The following IPO7 variants were observed in gnomAD, a reference collection of about 807,000 sequenced individuals.
IPO7 encodes importin-7.
Under a neutral mutation model 136.4 loss-of-function variants are expected in IPO7, and 13 were observed. That is an observed-to-expected ratio of 0.10 (90% CI 0.06 to 0.15). IPO7 has a LOEUF of 0.15. Ranked by LOEUF, IPO7 falls within the 10% of genes least tolerant of loss-of-function variation. The pLI is 1.00. For missense variants in IPO7, 857 were observed against 1,240.6 expected (o/e 0.69, Z 4.65); for synonymous variants, 403 against 404.4 (o/e 1.00, Z 0.04).
chr11:9,439,138 G>A (rs1449740554), intron 22 of IPO7, among the ~76,000 whole-genome samples: 2 of 152,114 alleles, frequency 1.3e-5, no homozygotes, highest in East Asian at 1.9e-4. Context: ...CCTTTGAGAC[G>A]GAGTTTTGCT....
chr11:9,424,851 G>T, intron 10 of IPO7, 63 bp from the exon 11 acceptor site: 1 of 1,070,462 alleles, frequency 9.3e-7, no homozygotes, highest in Non-Finnish European at 1.4e-6. Flanking sequence ...GATTAAGCAT[G>T]TTTTTTAATG....
At chr11:9,406,974 A>T (rs893208016) in intron 2 of IPO7, among the ~76,000 whole-genome samples, 2 of 152,242 alleles carry the variant, frequency 1.3e-5, no homozygotes, top group Non-Finnish European at 2.9e-5. Context: ...TGATTAGTTC[A>T]TTCTGTCTTT....
chr11:9,387,418 T>C (rs534409422), intron 1 of IPO7, among the ~76,000 whole-genome samples: 12 of 152,232 alleles, frequency 7.9e-5, no homozygotes, highest in Non-Finnish European at 8.8e-5. Context: ...TTTCCTTCCA[T>C]CCCTGTTCAA....
intron 15 of IPO7, among the ~76,000 whole-genome samples, chr11:9,430,091 C>T (rs1302882219): frequency 1.3e-5 from 2 of 152,154 alleles, no homozygotes; most frequent in South Asian, 2.1e-4. Context: ...GCACATTTCA[C>T]AGTAGGGTTC....
In IPO7 at chr11:9,437,952, A is replaced by C; in HGVS notation, c.2467A>C (p.Asn823His). The stretch of plus-strand genomic sequence containing the variant: ...AAATCATTTTATTACACAGTGGCTT[A>C]ATGATGTTGACTGTTTCTTGGGGTA... ...VTNHFITQWLNDVDCFLGLHD... is the reference protein window; with the variant it reads ...VTNHFITQWLHDVDCFLGLHD... The change falls in exon 21 of 25, where the codon AAT becomes CAT. Residue 823 changes from asparagine to histidine, a missense_variant. Asn to His is a moderately conservative substitution (Grantham distance 68). Coordinates refer to ENST00000379719, the MANE Select transcript of IPO7 (RefSeq NM_006391.3). 4.3e-6 allele frequency: 7 copies of C among 1,612,820 alleles called. No homozygotes were observed. The highest frequency in any genetic ancestry group is 5.1e-6 in the Non-Finnish European group (6 of 1,179,442).
rs750111455 is a variant in IPO7 at position 9,420,401 on chromosome 11, C to A, written c.727-10C>A. 32 of 1,562,876 alleles carry A rather than the reference C, an allele frequency of 2.0e-5. No individual in the cohort carries two copies. The Admixed American group carries it at 2.2e-4, about 11-fold the overall frequency. ...ATTATCTCTATCATTAAATAAGTGT[C>A]TTTTTAAAGGAAACACTTCAAGTTG... On this transcript the variant is annotated splice_polypyrimidine_tract_variant and intron_variant, in intron 6 of 24. Transcript: ENST00000379719.
intron 24 of IPO7, among the ~76,000 whole-genome samples, chr11:9,444,767 G>A (rs60998995): frequency 0.014 from 2,164 of 150,506 alleles, 51 homozygotes; most frequent in African/African-American, 0.05. Flanking sequence ...CACCTGGGAG[G>A]CAGAGATTGC....
chr11:9,416,914 T>A (rs1855049271), intron 5 of IPO7, 145 bp from the exon 6 acceptor site: 2 of 452,512 alleles, frequency 4.4e-6, no homozygotes, highest in Non-Finnish European at 4.0e-6. Flanking sequence ...CCATTATAGA[T>A]AACAAGCAAA....
At chr11:9,423,161 T>C in intron 9 of IPO7, 21 bp downstream of exon 9, 1 of 1,496,064 alleles carries the variant, frequency 6.7e-7, no homozygotes, top group East Asian at 2.3e-5. Flanking sequence ...TTATCTGAAA[T>C]GTTTTTATAG....
At chr11:9,425,051 A>T in intron 11 of IPO7, 61 bp downstream of exon 11, 1 of 1,337,882 alleles carries the variant, frequency 7.5e-7, no homozygotes, top group Non-Finnish European at 1.1e-6. Context: ...TCAACTATAC[A>T]CTTTTTAAAT....
chr11:9,418,277 G>T (rs180894269), intron 6 of IPO7, among the ~76,000 whole-genome samples: 33 of 150,690 alleles, frequency 2.2e-4, no homozygotes, highest in Non-Finnish European at 5.9e-5. Flanking sequence ...CACCATCTTG[G>T]CCAGGGTGGT....
intron 1 of IPO7, among the ~76,000 whole-genome samples, chr11:9,388,720 C>T (rs1178854235): frequency 2.0e-5 from 3 of 151,422 alleles, no homozygotes; most frequent in Non-Finnish European, 4.4e-5. Context: ...GAGCTAAGGC[C>T]TTGCTATGTT....
chr11:9,400,015 G>T (rs146392263), intron 1 of IPO7, among the ~76,000 whole-genome samples: 1 of 152,312 alleles, frequency 6.6e-6, no homozygotes, highest in Non-Finnish European at 1.5e-5. Context: ...ATTCATGGAT[G>T]CTGAAGTCCC....
At chr11:9,390,756 C>T (rs974878389) in intron 1 of IPO7, among the ~76,000 whole-genome samples, 4 of 14,212 alleles carry the variant, frequency 2.8e-4, no homozygotes, top group Non-Finnish European at 6.4e-4. Flanking sequence ...TTGAGACCAG[C>T]CTGGGCAACA....
At chr11:9,405,100 A>AATTATT (rs541717152) in intron 2 of IPO7, among the ~76,000 whole-genome samples, 7 of 151,802 alleles carry the variant, frequency 4.6e-5, no homozygotes, top group South Asian at 2.1e-4. Flanking sequence ...GGCAGATAGG[A>AATTATT]ATTATTATTA....
intron 1 of IPO7, among the ~76,000 whole-genome samples, chr11:9,386,364 C>A (rs1453891332): frequency 1.3e-5 from 2 of 152,076 alleles, no homozygotes; most frequent in Non-Finnish European, 1.5e-5. Context: ...GAACCATTAC[C>A]AAACTATGGA....
chr11:9,439,446 G>A (rs1238988628), intron 22 of IPO7, among the ~76,000 whole-genome samples: 1 of 151,906 alleles, frequency 6.6e-6, no homozygotes, highest in African/African-American at 2.4e-5. Flanking sequence ...AAAAAGTTGT[G>A]GGGATTACAT....
chr11:9,395,287 A>C (rs896333757), intron 1 of IPO7, among the ~76,000 whole-genome samples: 3 of 152,068 alleles, frequency 2.0e-5, no homozygotes, highest in Non-Finnish European at 4.4e-5. Context: ...CTTTTCGCCC[A>C]GGCTAGAGTG....
chr11:9,440,307 A>G, intron 22 of IPO7, 148 bp from the exon 23 acceptor site: 1 of 655,256 alleles, frequency 1.5e-6, no homozygotes, highest in South Asian at 1.9e-5. Context: ...TCTATTCATT[A>G]TTGAACATGT....
Sources: allele counts gnomAD v4.1 joint callset (sites outside exome capture counted in the v4.1 genomes callset), GRCh38; gene constraint gnomAD v4.1.1; transcripts MANE v1.5; gene names NCBI Gene and HGNC (gene_info 2026-07-23, HGNC 2026-07-21).